Variants in RUNX1T1 observed in about 807,000 individuals in gnomAD.
RUNX1T1 encodes RUNX1 partner transcriptional co-repressor 1.
A neutral mutation model predicts 62.8 loss-of-function variants in RUNX1T1; 4 were observed. The ratio of observed to expected loss-of-function variants is 0.06; its 90% CI spans 0.03 to 0.15. RUNX1T1 has a LOEUF of 0.15. Among genes scored for constraint, RUNX1T1 ranks in the 10% least tolerant of loss-of-function variants. RUNX1T1 has a pLI of 1.00. For missense variants in RUNX1T1, 508 were observed against 754.3 expected (o/e 0.67, Z 3.82); for synonymous variants, 291 against 286.0 (o/e 1.02, Z -0.18).
Position 92,046,944 on chromosome 8 carries a change from C to T in RUNX1T1, c.7+15602G>A, listed in dbSNP as rs7824266. Among the ~76,000 whole-genome samples, 72 of 152,230 alleles carry T rather than the reference C, an allele frequency of 4.7e-4. 1 individual carries two copies. Among genetic ancestry groups the T allele is most frequent in the African/African-American group, 1.7e-3 (72 of 41,536 alleles). ...ATAAATGACGGGAGTAACCATGAGG[C>T]CCAGTGAGGTCTTCAGAATGATATG... On this transcript the variant is annotated intron_variant, in intron 1 of 10. Transcript: ENST00000396218.
intron 1 of RUNX1T1, among the ~76,000 whole-genome samples, chr8:92,085,238 T>C (rs1393254432): frequency 2.0e-5 from 3 of 152,152 alleles, no homozygotes; most frequent in South Asian, 2.1e-4. Context: ...CCCAGACCAG[T>C]CAACCTGGGC....
At chr8:92,062,294 G>A (rs1473307002) in intron 1 of RUNX1T1, among the ~76,000 whole-genome samples, 5 of 151,992 alleles carry the variant, frequency 3.3e-5, no homozygotes, top group Admixed American at 2.6e-4. Flanking sequence ...GTGGCTGTAC[G>A]ACCCCCTCAA....
intron 1 of RUNX1T1, among the ~76,000 whole-genome samples, chr8:92,032,501 A>G: frequency 6.6e-6 from 1 of 152,236 alleles, no homozygotes; most frequent in Non-Finnish European, 1.5e-5. Context: ...CTTACTAATA[A>G]ACATGAGTAC....
intron 1 of RUNX1T1, among the ~76,000 whole-genome samples, chr8:92,079,464 G>A (rs1266530243): frequency 6.6e-6 from 1 of 152,100 alleles, no homozygotes; most frequent in Admixed American, 6.5e-5. Flanking sequence ...AAGGAGTAGT[G>A]AACAGAGCAC....
intron 8 of RUNX1T1, among the ~76,000 whole-genome samples, chr8:91,981,670 C>T (rs1448927035): frequency 6.6e-6 from 1 of 151,908 alleles, no homozygotes. Context: ...CCGCCTCGGC[C>T]TCCCCAAGTG....
chr8:92,088,126 T>C (rs1836412658), intron 1 of RUNX1T1, among the ~76,000 whole-genome samples: 1 of 152,220 alleles, frequency 6.6e-6, no homozygotes, highest in South Asian at 2.1e-4. Context: ...AGCACACTCC[T>C]TGTGTGACAC....
intron 1 of RUNX1T1, among the ~76,000 whole-genome samples, chr8:92,098,356 G>C (rs1410165317): frequency 1.3e-5 from 2 of 152,052 alleles, no homozygotes; most frequent in African/African-American, 2.4e-5. Context: ...TGAAATGCAG[G>C]AAAAAGAAAA....
At chr8:92,017,500 C>T (rs147020547) in intron 1 of RUNX1T1, 137 bp from the exon 3 acceptor site, 57 of 1,537,348 alleles carry the variant, frequency 3.7e-5, no homozygotes, top group Non-Finnish European at 4.6e-5. Flanking sequence ...TATCTACTGA[C>T]GTTTAAATCA....
At chr8:92,102,153 A>G (rs1838066177), upstream of RUNX1T1, among the ~76,000 whole-genome samples, 1 of 152,142 alleles carries the variant, frequency 6.6e-6, no homozygotes, top group Non-Finnish European at 1.5e-5. The surrounding 1 kb of genome is among the most constrained non-coding windows in gnomAD (Gnocchi z 4.5). Context: ...GACTCTCCCC[A>G]TCGGCCCCTG....
intron 1 of RUNX1T1, among the ~76,000 whole-genome samples, chr8:92,037,894 T>C (rs1336653268): frequency 6.6e-6 from 1 of 152,114 alleles, no homozygotes; most frequent in Non-Finnish European, 1.5e-5. Context: ...ATTTCCCTTC[T>C]CCCTTCTGCA....
At chr8:92,095,687 T>A in intron 1 of RUNX1T1, 2 of 237,404 alleles carry the variant, frequency 8.4e-6, no homozygotes, top group East Asian at 9.1e-5. Flanking sequence ...GAAGGAGGGA[T>A]GGAGGAGGGG....
At chr8:91,955,205 A>T (rs1449404717), downstream of RUNX1T1, 1 of 219,316 alleles carries the variant, frequency 4.6e-6, no homozygotes, top group African/African-American at 2.2e-5. Context: ...ACTGTTTCCT[A>T]TTTGTCCAAC....
intron 5 of RUNX1T1, among the ~76,000 whole-genome samples, chr8:92,003,953 A>C (rs1261766137): frequency 6.6e-6 from 1 of 152,250 alleles, no homozygotes; most frequent in East Asian, 1.9e-4. Flanking sequence ...TAAACTATTA[A>C]GAGGTTCTAT....
chr8:92,020,576 C>A (rs1032425572), intron 1 of RUNX1T1, among the ~76,000 whole-genome samples: 1 of 152,034 alleles, frequency 6.6e-6, no homozygotes, highest in Admixed American at 6.6e-5. Flanking sequence ...TCCATCAGAT[C>A]ATGTAGCAAA....
intron 4 of RUNX1T1, 123 bp downstream of exon 5, chr8:92,010,879 T>C (rs769673421): frequency 2.9e-5 from 17 of 591,808 alleles, no homozygotes; most frequent in Non-Finnish European, 4.3e-5. Context: ...TACAATCGAT[T>C]CAGATAGTTT....
intron 3 of RUNX1T1, 118 bp downstream of exon 4, chr8:92,014,461 C>T (rs1822606970): frequency 5.2e-6 from 5 of 966,512 alleles, no homozygotes; most frequent in Middle Eastern, 3.4e-4. Context: ...TGCACACAAT[C>T]TTCAGATGTA....
At chr8:92,100,638 G>A (rs989919454), upstream of RUNX1T1, among the ~76,000 whole-genome samples, 2 of 152,044 alleles carry the variant, frequency 1.3e-5, no homozygotes, top group African/African-American at 4.8e-5. Context: ...ATCAAACCAA[G>A]ATTCCCTGAT....
At chr8:91,984,017 T>C (rs1228932495) in intron 8 of RUNX1T1, among the ~76,000 whole-genome samples, 1 of 152,200 alleles carries the variant, frequency 6.6e-6, no homozygotes, top group East Asian at 1.9e-4. Flanking sequence ...ATAAAGAACA[T>C]AATGTCTTAA....
intron 1 of RUNX1T1, among the ~76,000 whole-genome samples, chr8:92,088,768 C>G (rs970756176): frequency 6.6e-6 from 1 of 152,176 alleles, no homozygotes; most frequent in African/African-American, 2.4e-5. Context: ...TAGCTCATTA[C>G]TGCTCTGACA....
Sources: gnomAD v4.1 joint callset for allele counts (sites outside exome capture counted in the v4.1 genomes callset) on GRCh38, gnomAD v4.1.1 for gene constraint, Gnocchi (gnomAD v3.1) non-coding constraint, MANE v1.5 for transcripts, NCBI Gene and HGNC (gene_info 2026-07-23, HGNC 2026-07-21) for gene names.